CHODL: variants seen among roughly 807,000 people sequenced by gnomAD.
CHODL encodes the protein chondrolectin, also known as transmembrane protein MT75.
CHODL carries 29 observed loss-of-function variants against 34.5 expected under a neutral mutation model. The ratio of observed to expected loss-of-function variants is 0.84; its 90% CI spans 0.63 to 1.15. The LOEUF (loss-of-function observed/expected upper bound fraction) is 1.15. CHODL is among the 50% of genes most tolerant of loss of function. The pLI, the probability that CHODL is intolerant of heterozygous loss-of-function variation, is 0.00. For synonymous variants in CHODL, 125 were observed against 116.1 expected, an observed-to-expected ratio of 1.08 and a Z score of -0.49; for missense variants, 332 against 332.5, an observed-to-expected ratio of 1.00 and a Z score of 0.01.
intron 1 of CHODL, among the ~76,000 whole-genome samples, chr21:18,020,681 G>A (rs1000194747): frequency 2.7e-4 from 41 of 152,066 alleles, no homozygotes; most frequent in Non-Finnish European, 1.0e-4. Flanking sequence ...TGAATGTTTG[G>A]GTCTCTACAA....
chr21:18,041,209 CA>C (rs1012772680), intron 2 of CHODL, among the ~76,000 whole-genome samples: 1 of 151,846 alleles, frequency 6.6e-6, no homozygotes, highest in Non-Finnish European at 1.5e-5. Flanking sequence ...TAGACAGACA[CA>C]AGGTGGCGTT....
At chr21:18,240,553 G>C (rs961255929), upstream of CHODL, among the ~76,000 whole-genome samples, 1 of 152,100 alleles carries the variant, frequency 6.6e-6, no homozygotes, top group African/African-American at 2.4e-5. Flanking sequence ...TCAGACCCTT[G>C]AGGCAAAGAT....
chr21:18,266,193 T>C lies in CHODL; in HGVS notation c.*155T>C, dbSNP rs2074460071. Reference sequence around the variant, plus strand: ...CAAATATTAAAGTAATTTTTATATGTCTATTATTTCATTTAAAGAATATGC... The same window carrying C: ...CAAATATTAAAGTAATTTTTATATGCCTATTATTTCATTTAAAGAATATGC... On this transcript the variant is annotated 3_prime_UTR_variant, in exon 6 of 6. Transcript: ENST00000299295. 3.9e-6 allele frequency: 6 copies of C among 1,541,718 alleles called. No individual in the cohort carries two copies. The South Asian group carries it at 6.1e-5, about 16-fold the overall frequency.
At chr21:17,984,799 G>A (rs2063740570) in intron 1 of CHODL, among the ~76,000 whole-genome samples, 1 of 151,940 alleles carries the variant, frequency 6.6e-6, no homozygotes, top group Non-Finnish European at 1.5e-5. Flanking sequence ...AAGATTGGAG[G>A]TTTGAATATA....
At chr21:18,078,902 G>T (rs998662070) in intron 2 of CHODL, among the ~76,000 whole-genome samples, 1 of 152,136 alleles carries the variant, frequency 6.6e-6, no homozygotes, top group African/African-American at 2.4e-5. Flanking sequence ...CAGCTAACAT[G>T]AATCAGACAC....
Position 17,919,983 on chromosome 21 carries a change from G to A in CHODL, c.-145+2583G>A, listed in dbSNP as rs138512505. Among the ~76,000 whole-genome samples, 1,217 of 152,216 alleles carry A rather than the reference G, an allele frequency of 8.0e-3. 17 individuals are homozygous for A. The highest frequency in any genetic ancestry group is 0.027 in the African/African-American group (1,121 of 41,534). On this transcript the variant is annotated intron_variant, in intron 1 of 6. Coordinates refer to the CHODL transcript ENST00000400127. The stretch of plus-strand genomic sequence containing the variant: ...AGAGTCACCTTTGCTCCAGTTTCCA[G>A]CAAGTTCCTCATCTCCATCTGAGAT...
chr21:18,092,443 C>T (rs2065085519), intron 2 of CHODL, among the ~76,000 whole-genome samples: 1 of 152,164 alleles, frequency 6.6e-6, no homozygotes, highest in African/African-American at 2.4e-5. Context: ...ATACAAGTAT[C>T]AAAACCATCC....
rs144483038 is a variant in CHODL at position 17,970,918 on chromosome 21, G to A, written c.-145+53518G>A. Reference sequence around the variant, plus strand: ...CCCCCAACAGGCCCTGGTGTGTGATGTTTCCCTCCATGTGTCCATGTGTTT... The same window carrying A: ...CCCCCAACAGGCCCTGGTGTGTGATATTTCCCTCCATGTGTCCATGTGTTT... On this transcript the variant is annotated intron_variant, in intron 1 of 6. Coordinates refer to the CHODL transcript ENST00000400127. Among the ~76,000 whole-genome samples the A allele has an allele frequency of 2.4e-3, 361 of 151,934 alleles. 4 individuals carry two copies. Among genetic ancestry groups the A allele is most frequent in the African/African-American group, 8.5e-3 (353 of 41,434 alleles).
In CHODL at chr21:18,117,897, A is replaced by G. The variant is rs542258414; in HGVS notation, c.-45+89926A>G. Among the ~76,000 whole-genome samples, 153 of 152,268 alleles carry G rather than the reference A, an allele frequency of 1.0e-3. 8 individuals are homozygous for G. In the South Asian group the frequency reaches 0.028, roughly 28 times the overall value. ...AAAGTTAAAGAAAAATTCTCATTCT[A>G]TTTCCACATTTGGCTTGCTGTGCAG... On this transcript the variant is annotated intron_variant, in intron 2 of 6. Transcript: ENST00000400127.
chr21:17,993,661 A>G (rs1216513978), intron 1 of CHODL, among the ~76,000 whole-genome samples: 2 of 152,250 alleles, frequency 1.3e-5, no homozygotes, highest in African/African-American at 4.8e-5. Flanking sequence ...TATTGAGAAT[A>G]GTGCCACAAT....
chr21:17,922,572 TTAAA>T (rs1187420388), intron 1 of CHODL, among the ~76,000 whole-genome samples: 1 of 152,218 alleles, frequency 6.6e-6, no homozygotes, highest in African/African-American at 2.4e-5. Context: ...AGTACTTTAA[TTAAA>T]TAAAGGGTTA....
At chr21:18,059,454 A>T (rs1207702095) in intron 2 of CHODL, among the ~76,000 whole-genome samples, 2 of 151,886 alleles carry the variant, frequency 1.3e-5, no homozygotes, top group African/African-American at 4.8e-5. Context: ...TTGTATCCTT[A>T]AAAGGTCCAT....
At chr21:18,045,273 A>C (rs1303035997) in intron 2 of CHODL, among the ~76,000 whole-genome samples, 1 of 151,968 alleles carries the variant, frequency 6.6e-6, no homozygotes, top group Non-Finnish European at 1.5e-5. Flanking sequence ...AGATATAAAC[A>C]TGCCCCAGAC....
chr21:18,228,638 C>T (rs1315722944), intron 2 of CHODL, among the ~76,000 whole-genome samples: 2 of 152,098 alleles, frequency 1.3e-5, no homozygotes, highest in African/African-American at 4.8e-5. Context: ...CTGTGAGCAG[C>T]TAGAAGAGAA....
chr21:18,114,482 C>T (rs973267302), intron 2 of CHODL, among the ~76,000 whole-genome samples: 2 of 151,960 alleles, frequency 1.3e-5, no homozygotes, highest in Non-Finnish European at 1.5e-5. Context: ...GATGGAATTT[C>T]GCTCTTGTTG....
intron 2 of CHODL, among the ~76,000 whole-genome samples, chr21:18,213,031 A>G (rs2073789459): frequency 6.6e-6 from 1 of 152,128 alleles, no homozygotes; most frequent in Non-Finnish European, 1.5e-5. Context: ...TGGAGATGTG[A>G]TGGTTTGTTT....
intron 2 of CHODL, among the ~76,000 whole-genome samples, chr21:18,087,199 G>T (rs74497100): frequency 1.3e-5 from 2 of 152,154 alleles, no homozygotes; most frequent in East Asian, 3.9e-4. Context: ...CCACACTCAG[G>T]TGAGCAGCCT....
Position 17,996,077 on chromosome 21 carries a change from A to ATTT in CHODL, c.-144-31786_-144-31784dup, listed in dbSNP as rs536411459. ...TTGAGTGACTTTTGACTCATCATTT[A>ATTT]TTTTTTTTTTTGCAAAGGCTCATTT... On this transcript the variant is annotated intron_variant, in intron 1 of 6. Transcript: ENST00000400127. 3.3e-3 allele frequency among the ~76,000 whole-genome samples: 487 copies of ATTT among 145,852 alleles called. 5 individuals are homozygous for ATTT. Among genetic ancestry groups the ATTT allele is most frequent in the South Asian group, 0.013 (59 of 4,596 alleles).
At chr21:18,141,689 T>C (rs1408267888) in intron 2 of CHODL, among the ~76,000 whole-genome samples, 1 of 146,208 alleles carries the variant, frequency 6.8e-6, no homozygotes, top group Non-Finnish European at 1.5e-5. Flanking sequence ...GTGGTGGCTG[T>C]AACCCTGGAG....
Sources: allele counts gnomAD v4.1 joint callset (sites outside exome capture counted in the v4.1 genomes callset), GRCh38; gene constraint gnomAD v4.1.1; transcripts MANE v1.5; gene names NCBI Gene and HGNC (gene_info 2026-07-23, HGNC 2026-07-21).